The following CCDC78 variants were observed in gnomAD, a reference collection of about 807,000 sequenced individuals.
CCDC78 encodes the protein coiled-coil domain containing 78.
CCDC78 carries 78 observed loss-of-function variants against 61.9 expected under a neutral mutation model. The ratio of observed to expected loss-of-function variants is 1.26; its 90% CI spans 1.05 to 1.52. The LOEUF is 1.52. Ranked by LOEUF, CCDC78 falls within the 40% of genes most tolerant of loss-of-function variation. CCDC78 has a pLI of 0.00. For missense variants in CCDC78, 737 were observed against 615.5 expected (o/e 1.20, Z -2.09); for synonymous variants, 287 against 251.9 (o/e 1.14, Z -1.32).
rs1326058660 is a variant in CCDC78, at chr16:723,912, A to G, written c.1078T>C (p.Ser360Pro). The G allele has an allele frequency of 3.7e-6, 6 of 1,601,404 alleles. No homozygotes were observed. Among genetic ancestry groups the G allele is most frequent in the Non-Finnish European group, 5.1e-6 (6 of 1,173,992 alleles). Reference sequence around the variant, plus strand: ...CCACCGGGTCTCTTTTTTGGGGATGAGAGCAGTGCCCCAGGCCCGCCGTGC... The same window carrying G: ...CCACCGGGTCTCTTTTTTGGGGATGGGAGCAGTGCCCCAGGCCCGCCGTGC... ...DQHGGPGALL[S>P]SPKKRPGGAS... is the part of the protein sequence containing the mutation. The change falls in exon 11 of 14, where the codon TCA becomes CCA. Residue 360 changes from serine (S) to proline (P), a missense_variant. Transcript: ENST00000345165.
At chr16:724,044 G>A (rs996193877) in intron 10 of CCDC78, 62 bp downstream of exon 10, 36 of 1,501,956 alleles carry the variant, frequency 2.4e-5, no homozygotes, top group Non-Finnish European at 3.1e-5. Context: ...TGGGGCCAGT[G>A]TGGGGCAGTG....
intron 8 of CCDC78, 83 bp downstream of exon 8, chr16:724,598 C>T: frequency 6.4e-7 from 1 of 1,564,554 alleles, no homozygotes; most frequent in Non-Finnish European, 8.6e-7. Context: ...AGTGCCGGGG[C>T]CCTGGGGTCT....
chr16:725,859 T>C lies in CCDC78; in HGVS notation c.202A>G (p.Ile68Val). 2 of 1,611,304 alleles carry C rather than the reference T, an allele frequency of 1.2e-6. No individual in the cohort carries two copies. Among genetic ancestry groups the C allele is most frequent in the Non-Finnish European group, 1.7e-6 (2 of 1,178,892 alleles). Reference protein sequence around the residue: ...QLQISKELVDIQITTHHLHEQ... With the variant: ...QLQISKELVDVQITTHHLHEQ... ...TGTAGGTGGTGGGTTGTGATCTGAA[T>C]GTCGACCAGCTCCTTGGAGATCTGT... The change falls in exon 3 of 14, where the codon ATT (isoleucine) becomes GTT (valine). Residue 68 changes from isoleucine to valine, a missense_variant. Physicochemically the swap from Ile to Val is conservative, Grantham distance 29. Coordinates refer to ENST00000345165, the MANE Select transcript of CCDC78 (RefSeq NM_001378030.1).
rs576498047 is a variant in CCDC78 at position 725,800 on chromosome 16, C to T, written c.261G>A (p.Lys87=). 1.6e-5 allele frequency: 25 copies of T among 1,607,012 alleles called. No individual in the cohort carries two copies. The South Asian group carries it at 2.3e-4, about 15-fold the overall frequency. ...EQHEAEIFQL[K]SEILRLESRV... is the part of the protein sequence containing the mutation. The stretch of plus-strand genomic sequence containing the variant: ...GGTTCACACGGCTGCTCACCTCACT[C>T]TTCAGCTGGAAGATTTCAGCCTCAT... The change falls in exon 3 of 14, where the codon AAG becomes AAA. Residue 87 remains lysine, a synonymous_variant. Transcript: ENST00000345165.
In CCDC78 at chr16:726,388, G is replaced by T; in HGVS notation, c.-21C>A. 1 of 1,518,068 alleles carries T rather than the reference G, an allele frequency of 6.6e-7. No individual in the cohort carries two copies. The highest frequency in any genetic ancestry group is 8.8e-7 in the Non-Finnish European group (1 of 1,140,744). 94.0% of individuals were successfully genotyped at this position (1,518,068 alleles called of 1,614,324 possible). On this transcript the variant is annotated 5_prime_UTR_variant, in exon 1 of 14. The change creates a new upstream start codon in the 5' untranslated region. Transcript: ENST00000345165. ...TCCATAGGCTAGGGAACCCTGGCCAGCTCCGAGCCCGGTGCTGCCTCCACG... is the reference window on the plus strand; with the variant it reads ...TCCATAGGCTAGGGAACCCTGGCCATCTCCGAGCCCGGTGCTGCCTCCACG...
intron 8 of CCDC78, 29 bp downstream of exon 8, chr16:724,652 A>C: frequency 4.4e-6 from 7 of 1,602,584 alleles, no homozygotes; most frequent in South Asian, 1.1e-5. Context: ...TGGGCTCCCT[A>C]GGCCTCAGGG....
rs4984921 is a variant in CCDC78 at position 724,520 on chromosome 16, C to T, written c.766-11G>A. The T allele has an allele frequency of 0.49, 785,815 of 1,589,550 alleles. 203,337 individuals are homozygous for T. The highest frequency in any genetic ancestry group is 0.8 in the East Asian group (35,431 of 44,304). On this transcript the variant is annotated splice_polypyrimidine_tract_variant and intron_variant, in intron 8 of 13. Transcript: ENST00000345165. Reference sequence around the variant, plus strand: ...ACCATCTGCGTGCTCCTGGAGGCGGCGGGCTGGGTCCGCATGGGGCCCACC... The same window carrying T: ...ACCATCTGCGTGCTCCTGGAGGCGGTGGGCTGGGTCCGCATGGGGCCCACC...
At position 724,218 on chromosome 16, in the gene CCDC78, G is replaced by A; in HGVS notation, c.954-13C>T. On this transcript the variant is annotated splice_polypyrimidine_tract_variant and intron_variant, in intron 9 of 13. Transcript: ENST00000345165. ...GTTCCCAGGTGCCCTGTCAGGGTAG[G>A]CTAGTGTCTGTCTGGGGCCACTCCT... 6.3e-7 allele frequency: 1 copy of A among 1,588,716 alleles called. No homozygotes were observed. The highest frequency in any genetic ancestry group is 8.6e-7 in the Non-Finnish European group (1 of 1,166,194).
At position 724,101 on chromosome 16, in the gene CCDC78, C is replaced by A. The variant is rs183513342; in HGVS notation, c.1053+5G>T. ...CCTGGAGCTTCTGGGGGTCTCTAGCCTCACCTGGTCCTCCCGATGGCTGAA... is the reference window on the plus strand; with the variant it reads ...CCTGGAGCTTCTGGGGGTCTCTAGCATCACCTGGTCCTCCCGATGGCTGAA... On this transcript the variant is annotated splice_donor_5th_base_variant and intron_variant, in intron 10 of 13. Transcript: ENST00000345165. 6.3e-7 allele frequency: 1 copy of A among 1,587,664 alleles called. No individual in the cohort carries two copies. Among genetic ancestry groups the A allele is most frequent in the East Asian group, 2.2e-5 (1 of 44,610 alleles).
In CCDC78 at chr16:722,700, T is replaced by C. The variant is rs562902898; in HGVS notation, c.1391A>G (p.His464Arg). 6.2e-7 allele frequency: 1 copy of C among 1,609,016 alleles called. No individual in the cohort carries two copies. Among genetic ancestry groups the C allele is most frequent in the East Asian group, 2.2e-5 (1 of 44,884 alleles). Residue 464 changes from histidine to arginine, a missense_variant, in exon 14 of 14, where the codon CAT becomes CGT. His to Arg is a conservative substitution (Grantham distance 29). Coordinates refer to ENST00000345165, the MANE Select transcript of CCDC78 (RefSeq NM_001378030.1). ...GGCCTAGTGGCTGCCGGTCCTTGGA[T>C]GCTGGGGCTTGGCTGGAGGCACAGC... is the stretch of plus-strand genomic sequence containing the variant. ...VGAVPPAKPQ[H>R]PRTGSH
chr16:723,030 G>T lies in CCDC78; in HGVS notation c.1201-8C>A. On this transcript the variant is annotated splice_polypyrimidine_tract_variant and splice_region_variant and intron_variant, in intron 12 of 13. Transcript: ENST00000345165. Reference sequence around the variant, plus strand: ...CTCCCGTTCCAGCTCTGCCTGGCATGGGGATGTAAGCCATGAGCTGGGGCA... The same window carrying T: ...CTCCCGTTCCAGCTCTGCCTGGCATTGGGATGTAAGCCATGAGCTGGGGCA... 6.2e-7 allele frequency: 1 copy of T among 1,612,594 alleles called. No individual in the cohort carries two copies.
At chr16:725,376 C>T in intron 4 of CCDC78, 37 bp downstream of exon 4, 1 of 1,611,928 alleles carries the variant, frequency 6.2e-7, no homozygotes, top group Non-Finnish European at 8.5e-7. Flanking sequence ...TTCCCTCTGG[C>T]CTTTCCCAGC....
intron 1 of CCDC78, 100 bp from the exon 2 acceptor site, chr16:726,185 TGTA>T (rs748117181): frequency 6.5e-6 from 10 of 1,550,190 alleles, no homozygotes; most frequent in African/African-American, 1.4e-5. Context: ...CTGGCTGAGC[TGTA>T]AAAGTCCCTC....
rs1165039888 is a variant in CCDC78 at position 722,998 on chromosome 16, G to A, written c.1225C>T (p.Gln409Ter). The change falls in exon 13 of 14, where the codon CAG (glutamine) becomes TAG (stop). Residue 409 changes from glutamine to a stop codon, truncating the protein, a stop_gained. Coordinates refer to ENST00000345165, the MANE Select transcript of CCDC78 (RefSeq NM_001378030.1). LOFTEE classifies it high-confidence loss of function. ...TQAELERERAQLLVRATMAEE... is the reference protein window; with the variant it reads ...TQAELERERA ...GCCATCGTGGCCCGGACCAGCAGCT[G>A]TGCCCGCTCCCGTTCCAGCTCTGCC... The A allele has an allele frequency of 6.2e-7, 1 of 1,612,430 alleles. No individual in the cohort carries two copies. Among genetic ancestry groups the A allele is most frequent in the African/African-American group, 1.3e-5 (1 of 74,954 alleles).
At chr16:724,563 A>G (rs1596619082) in intron 8 of CCDC78, 54 bp from the exon 9 acceptor site, 2 of 1,547,058 alleles carry the variant, frequency 1.3e-6, no homozygotes, top group East Asian at 2.4e-5. Context: ...TTTTCCAACC[A>G]TCCCCCCACC....
chr16:726,513 C>T, upstream of CCDC78: 1 of 898,154 alleles, frequency 1.1e-6, no homozygotes, highest in Non-Finnish European at 1.6e-6. Context: ...CCCACAGGGG[C>T]CGGCCAGACC....
At chr16:724,592 C>G (rs1486482140) in intron 8 of CCDC78, 83 bp from the exon 9 acceptor site, 6 of 1,560,786 alleles carry the variant, frequency 3.8e-6, no homozygotes, top group Admixed American at 3.7e-5. Flanking sequence ...CTGAGCAGTG[C>G]CGGGGCCCTG....
chr16:724,038 G>A (rs1167146246), intron 10 of CCDC78, 68 bp downstream of exon 10: 1 of 1,364,442 alleles, frequency 7.3e-7, no homozygotes, highest in Non-Finnish European at 1.0e-6. Flanking sequence ...GAGGCCTGGG[G>A]CCAGTGTGGG....
rs1226638646 is a variant in CCDC78, at chr16:726,392, C to T, written c.-25G>A. 3.3e-6 allele frequency: 5 copies of T among 1,516,508 alleles called. No homozygotes were observed. Among genetic ancestry groups the T allele is most frequent in the African/African-American group, 1.4e-5 (1 of 70,936 alleles). The allele number at this position is 1,516,508 out of a possible 1,614,324, so 93.9% of individuals were successfully genotyped here. On this transcript the variant is annotated 5_prime_UTR_variant, in exon 1 of 14. Transcript: ENST00000345165. ...TAGGCTAGGGAACCCTGGCCAGCTCCGAGCCCGGTGCTGCCTCCACGCCCG... is the reference window on the plus strand; with the variant it reads ...TAGGCTAGGGAACCCTGGCCAGCTCTGAGCCCGGTGCTGCCTCCACGCCCG...
Sources: gnomAD v4.1 joint callset for allele counts on GRCh38, gnomAD v4.1.1 for gene constraint, MANE v1.5 for transcripts, NCBI Gene and HGNC (gene_info 2026-07-23, HGNC 2026-07-21) for gene names.